The following WWTR1 variants were observed in gnomAD, a reference collection of about 807,000 sequenced individuals.
WWTR1 encodes WW domain containing transcription regulator 1, also known as WW domain-containing transcription regulator protein 1.
A neutral mutation model predicts 40.1 loss-of-function variants in WWTR1; 13 were observed. The observed-to-expected ratio is 0.32, with a 90% CI of 0.21 to 0.52. WWTR1 has a LOEUF of 0.52. Ranked by LOEUF, WWTR1 falls within the 20% of genes least tolerant of loss-of-function variation. The pLI is 0.97. For synonymous variants in WWTR1, 230 were observed against 210.1 expected, an observed-to-expected ratio of 1.09 and a Z score of -0.82; for missense variants, 436 against 523.1, an observed-to-expected ratio of 0.83 and a Z score of 1.63.
At chr3:149,586,509 C>A (rs983227280) in intron 2 of WWTR1, among the ~76,000 whole-genome samples, 2 of 152,198 alleles carry the variant, frequency 1.3e-5, no homozygotes, top group Non-Finnish European at 2.9e-5. Context: ...CATTGCCGAT[C>A]TAGAGTTCCT....
chr3:149,638,730 C>T (rs1194622567), intron 2 of WWTR1, among the ~76,000 whole-genome samples: 1 of 152,116 alleles, frequency 6.6e-6, no homozygotes, highest in African/African-American at 2.4e-5. Flanking sequence ...AATTTATATC[C>T]GCTAGTCACG....
intron 2 of WWTR1, among the ~76,000 whole-genome samples, chr3:149,664,956 G>A (rs1455614281): frequency 6.6e-6 from 1 of 152,036 alleles, no homozygotes; most frequent in Non-Finnish European, 1.5e-5. Flanking sequence ...GAGAAAAAAG[G>A]AATTTTTGAT....
chr3:149,724,435 CTCTCTTTTTAATAT>C, intron 3 of WWTR1, among the ~76,000 whole-genome samples: 1 of 151,700 alleles, frequency 6.6e-6, no homozygotes, highest in East Asian at 1.9e-4. Flanking sequence ...AATTAACAGG[CTCTCTTTTTAATAT>C]TCCTAACTTG....
chr3:149,692,225 T>G (rs1441498857), intron 1 of WWTR1, among the ~76,000 whole-genome samples: 1 of 151,660 alleles, frequency 6.6e-6, no homozygotes. Context: ...GGCCAATATC[T>G]CTGATGAACA....
At chr3:149,657,436 T>G in intron 1 of WWTR1, 127 bp from the exon 2 acceptor site, 3 of 1,123,112 alleles carry the variant, frequency 2.7e-6, no homozygotes, top group Non-Finnish European at 3.7e-6. Flanking sequence ...AGACAGATAA[T>G]TGCCCGCCTG....
chr3:149,614,068 G>C (rs1469435640), intron 2 of WWTR1, among the ~76,000 whole-genome samples: 2 of 152,150 alleles, frequency 1.3e-5, no homozygotes, highest in East Asian at 1.9e-4. Context: ...GTCTTTTGAG[G>C]GGTCTTGCTT....
At chr3:149,663,104 C>G (rs1276287628) in intron 2 of WWTR1, among the ~76,000 whole-genome samples, 2 of 152,116 alleles carry the variant, frequency 1.3e-5, no homozygotes, top group East Asian at 3.9e-4. Context: ...GCAATCTCAG[C>G]TCACTGCAAC....
rs142825015 is a variant in WWTR1, at chr3:149,652,918, AAGGAAAC to A, written c.431+3951_431+3957del. On this transcript the variant is annotated intron_variant, in intron 2 of 6. Coordinates refer to ENST00000360632, the MANE Select transcript of WWTR1 (RefSeq NM_015472.6). ...GCCCTCTGTGAGCCTTGAGGAGGTG[AAGGAAAC>A]CATTGTTTTTCAACAAATGTCCTCC... 7.9e-3 allele frequency among the ~76,000 whole-genome samples: 1,196 copies of A among 152,256 alleles called. 33 individuals are homozygous for A. Among genetic ancestry groups the A allele is most frequent in the East Asian group, 0.057 (298 of 5,186 alleles).
At chr3:149,577,208 C>G (rs6768097) in intron 2 of WWTR1, among the ~76,000 whole-genome samples, 68,457 of 152,014 alleles carry the variant, frequency 0.45, 15,852 homozygotes, top group African/African-American at 0.53. Flanking sequence ...ATAAACTACA[C>G]TTTTGGCTCC....
At chr3:149,717,447 G>C (rs1237626520) in exon 5 of WWTR1, 1 of 152,136 alleles carries the variant, frequency 6.6e-6, no homozygotes, top group Non-Finnish European at 1.5e-5. Flanking sequence ...ATTACCTTCC[G>C]TCTCTGGTGG....
intron 3 of WWTR1, among the ~76,000 whole-genome samples, chr3:149,548,049 C>T (rs923330374): frequency 6.7e-5 from 8 of 120,272 alleles, no homozygotes; most frequent in African/African-American, 2.0e-4. Flanking sequence ...ACAGTCAACA[C>T]GGGAATGGGG....
At chr3:149,662,020 C>T (rs911957234), upstream of WWTR1, among the ~76,000 whole-genome samples, 1 of 152,184 alleles carries the variant, frequency 6.6e-6, no homozygotes, top group Non-Finnish European at 1.5e-5. Context: ...CGTGAGCCAC[C>T]TCGCCCGGCC....
chr3:149,630,183 G>C (rs1425602445), intron 2 of WWTR1, among the ~76,000 whole-genome samples: 1 of 151,892 alleles, frequency 6.6e-6, no homozygotes, highest in Admixed American at 6.6e-5. Context: ...TCTTCGGTGC[G>C]TTTTTTTCTT....
intron 1 of WWTR1, among the ~76,000 whole-genome samples, chr3:149,699,837 G>A (rs1192013488): frequency 6.6e-6 from 1 of 152,074 alleles, no homozygotes. Context: ...CTTCTTCTGA[G>A]CCCTCCAAAC....
chr3:149,625,422 C>T (rs1208499152), intron 2 of WWTR1, among the ~76,000 whole-genome samples: 1 of 152,070 alleles, frequency 6.6e-6, no homozygotes, highest in East Asian at 1.9e-4. Flanking sequence ...CCGGCCAACT[C>T]TACCCTTTTT....
chr3:149,653,002 TTC>T (rs1178339651), intron 2 of WWTR1, among the ~76,000 whole-genome samples: 5 of 152,192 alleles, frequency 3.3e-5, no homozygotes, highest in East Asian at 3.8e-4. Context: ...AAAAATAATT[TTC>T]TGTCACACAT....
At chr3:149,544,062 C>G (rs940519662) in intron 3 of WWTR1, among the ~76,000 whole-genome samples, 6 of 151,862 alleles carry the variant, frequency 4.0e-5, no homozygotes, top group African/African-American at 1.5e-4. Context: ...GCCACCACGC[C>G]TGGTGGCTTA....
chr3:149,672,543 T>G, intron 1 of WWTR1, among the ~76,000 whole-genome samples: 1 of 152,188 alleles, frequency 6.6e-6, no homozygotes. Flanking sequence ...TTATTATTGG[T>G]GTAAAAATAT....
chr3:149,529,094 T>C (rs1735458216), intron 4 of WWTR1, among the ~76,000 whole-genome samples: 1 of 152,228 alleles, frequency 6.6e-6, no homozygotes, highest in Non-Finnish European at 1.5e-5. Context: ...TTCCAGAGAA[T>C]ACTTTTGTAT....
Sources: gnomAD v4.1 joint callset for allele counts (sites outside exome capture counted in the v4.1 genomes callset) on GRCh38, gnomAD v4.1.1 for gene constraint, MANE v1.5 for transcripts, NCBI Gene and HGNC (gene_info 2026-07-23, HGNC 2026-07-21) for gene names.